Variants in PPIL6 observed in about 807,000 individuals in gnomAD.
PPIL6 encodes the protein peptidylprolyl isomerase like 6, also known as probable inactive peptidyl-prolyl cis-trans isomerase-like 6.
Under a neutral mutation model 36.8 loss-of-function variants are expected in PPIL6, and 39 were observed. That is an observed-to-expected ratio of 1.06 (90% CI 0.82 to 1.38). PPIL6 has a LOEUF of 1.38. Ranked by LOEUF, PPIL6 falls within the 40% of genes most tolerant of loss-of-function variation. The pLI, the probability that PPIL6 is intolerant of heterozygous loss-of-function variation, is 0.00. For synonymous variants in PPIL6, 123 were observed against 134.1 expected, an observed-to-expected ratio of 0.92 and a Z score of 0.57; for missense variants, 368 against 379.1, an observed-to-expected ratio of 0.97 and a Z score of 0.24.
At chr6:109,406,629 T>A (rs939230263) in intron 6 of PPIL6, among the ~76,000 whole-genome samples, 3 of 152,220 alleles carry the variant, frequency 2.0e-5, no homozygotes, top group Non-Finnish European at 4.4e-5. Flanking sequence ...GCAATACTTT[T>A]ATAAAGAGAT....
Position 109,436,133 on chromosome 6 carries a change from A to T in PPIL6, c.202T>A (p.Trp68Arg). 6.3e-7 allele frequency: 1 copy of T among 1,586,324 alleles called. No individual in the cohort carries two copies. Among genetic ancestry groups the T allele is most frequent in the Middle Eastern group, 1.7e-4 (1 of 6,014 alleles). Residue 68 changes from tryptophan to arginine, a missense_variant, in exon 2 of 8, where the codon TGG (tryptophan) becomes AGG (arginine). Physicochemically the swap from Trp to Arg is moderately radical, Grantham distance 101 (BLOSUM62 -3). Coordinates refer to ENST00000521072, the MANE Select transcript of PPIL6 (RefSeq NM_173672.5). The stretch of plus-strand genomic sequence containing the variant: ...TTTTTCTCCTGTAGATATTGATGCC[A>T]TGCAAATTCTTGAAGAGGAACTAAT... ...PILVPLQEFA[W>R]HQYLQEKKRE...
rs1480072018 is a variant in PPIL6, at chr6:109,413,195, T to G, written c.688+5992A>C. Among the ~76,000 whole-genome samples, 4 of 151,654 alleles carry G rather than the reference T, an allele frequency of 2.6e-5. No homozygotes were observed. ...CAAACAAACAAAAACCCACAGAAAA[T>G]ATTTGCAAACTACCCATCTGACGAG... On this transcript the variant is annotated intron_variant, in intron 6 of 7. Transcript: ENST00000521072. This position sits in a 1 kb window ranked among gnomAD's most constrained non-coding sequence, Gnocchi z 4.6.
At chr6:109,428,518 A>G (rs1025057005) in intron 3 of PPIL6, among the ~76,000 whole-genome samples, 2 of 149,404 alleles carry the variant, frequency 1.3e-5, no homozygotes, top group Non-Finnish European at 3.0e-5. Context: ...GTGCCACTGC[A>G]CTACAGCCTG....
At chr6:109,417,413 G>GT (rs1394222963) in intron 6 of PPIL6, among the ~76,000 whole-genome samples, 1 of 150,446 alleles carries the variant, frequency 6.6e-6, no homozygotes, top group Non-Finnish European at 1.5e-5. Flanking sequence ...GAAACTGACT[G>GT]TAAGTTTCTT....
In PPIL6 at chr6:109,427,105, A is replaced by G. The variant is rs141643047; in HGVS notation, c.472T>C (p.Leu158=). The change falls in exon 4 of 8, where the codon TTG becomes CTG. Residue 158 remains leucine, a synonymous_variant. Coordinates refer to ENST00000521072, the MANE Select transcript of PPIL6 (RefSeq NM_173672.5). ...ICIDSSPIGR[L]IFELYCDVCP... ...AAAAAAAGTATCACCTCAAAAATCA[A>G]TCTTCCAATTGGAGAAGAATCAATA... The G allele has an allele frequency of 8.0e-4, 1,288 of 1,611,386 alleles. 8 individuals carry two copies. The African/African-American group carries it at 0.014, about 18-fold the overall frequency.
At chr6:109,441,147 T>G, upstream of PPIL6, 1 of 1,614,168 alleles carries the variant, frequency 6.2e-7, no homozygotes, top group Non-Finnish European at 8.5e-7. Context: ...TCCCTGCGAC[T>G]GCGGATCTTC....
chr6:109,440,115 T>A, intron 1 of PPIL6: 1 of 347,456 alleles, frequency 2.9e-6, no homozygotes, highest in South Asian at 2.1e-5. Context: ...ATATCTCTAA[T>A]TAAAGAAAAA....
intron 6 of PPIL6, among the ~76,000 whole-genome samples, chr6:109,402,378 A>T (rs1393552237): frequency 6.6e-6 from 1 of 152,118 alleles, no homozygotes; most frequent in African/African-American, 2.4e-5. Context: ...TCCACTAAAA[A>T]CACAAAAATT....
At chr6:109,395,090 T>G (rs1344565710) in intron 7 of PPIL6, among the ~76,000 whole-genome samples, 4 of 152,184 alleles carry the variant, frequency 2.6e-5, no homozygotes, top group Non-Finnish European at 4.4e-5. Flanking sequence ...TGGATGCCAC[T>G]AGCTACATAT....
At chr6:109,419,416 A>AT (rs893043271) in intron 5 of PPIL6, among the ~76,000 whole-genome samples, 173 bp from the exon 6 acceptor site, 1 of 150,846 alleles carries the variant, frequency 6.6e-6, no homozygotes, top group African/African-American at 2.5e-5. Flanking sequence ...CTCCATCTCG[A>AT]TTAAAAAAAA....
intron 1 of PPIL6, among the ~76,000 whole-genome samples, chr6:109,437,501 C>G (rs1013524515): frequency 6.7e-6 from 1 of 149,816 alleles, no homozygotes; most frequent in African/African-American, 2.4e-5. Context: ...GTTCCAGTGT[C>G]TGTGCTCAGT....
chr6:109,440,835 AC>A, upstream of PPIL6: 1 of 400,952 alleles, frequency 2.5e-6, no homozygotes, highest in Non-Finnish European at 4.3e-6. Context: ...CGCTCTCCGG[AC>A]CCCCAGGGTC....
At chr6:109,436,271 T>C in intron 1 of PPIL6, 72 bp from the exon 2 acceptor site, 1 of 910,440 alleles carries the variant, frequency 1.1e-6, no homozygotes, top group Non-Finnish European at 1.8e-6. Context: ...TCCCCAATTT[T>C]TACGGGGTTT....
intron 7 of PPIL6, among the ~76,000 whole-genome samples, chr6:109,397,868 T>C (rs1416276609): frequency 6.6e-6 from 1 of 151,168 alleles, no homozygotes; most frequent in Non-Finnish European, 1.5e-5. Flanking sequence ...ATTTAAATGA[T>C]TCAAGAAATG....
rs754766224 is a variant in PPIL6 at position 109,440,565 on chromosome 6, G to A, written c.26C>T (p.Pro9Leu). 5 of 1,444,704 alleles carry A rather than the reference G, an allele frequency of 3.5e-6. No individual in the cohort carries two copies. The highest frequency in any genetic ancestry group is 4.5e-6 in the Non-Finnish European group (5 of 1,102,068). The allele number at this position is 1,444,704 out of a possible 1,614,324, so 89.5% of individuals were successfully genotyped here. The change falls in exon 1 of 8, where the codon CCC becomes CTC. Residue 9 changes from proline to leucine, a missense_variant. Physicochemically the swap from Pro to Leu is moderately conservative, Grantham distance 98. Transcript: ENST00000521072. MARPQPCG[P>L]PHARCGSPSL... ...CGGCGAGCCGCACCTAGCGTGCGGG[G>A]GCCCGCACGGCTGCGGCCTTGCCAT...
intron 5 of PPIL6, among the ~76,000 whole-genome samples, chr6:109,425,749 C>CAAAAAAA (rs34275471): frequency 3.9e-5 from 4 of 103,702 alleles, no homozygotes; most frequent in Non-Finnish European, 4.0e-5. Flanking sequence ...GACTCCGTTT[C>CAAAAAAA]AAAAAAAAAA....
intron 5 of PPIL6, among the ~76,000 whole-genome samples, chr6:109,423,398 G>T (rs1038554364): frequency 2.0e-5 from 3 of 151,590 alleles, no homozygotes; most frequent in African/African-American, 7.3e-5. Flanking sequence ...AGTTCAATAG[G>T]TACTTTTTTT....
Position 109,400,079 on chromosome 6 carries a change from T to C in PPIL6, c.780A>G (p.Thr260=), listed in dbSNP as rs1772467124. 1.2e-6 allele frequency: 2 copies of C among 1,613,690 alleles called. No homozygotes were observed. Among genetic ancestry groups the C allele is most frequent in the Admixed American group, 1.7e-5 (1 of 59,992 alleles). The part of the protein sequence containing the change: ...RHSNGSQFYI[T]LQATPYLDRK... ...TATCTAGATAAGGAGTTGCTTGCAG[T>C]GTGATATAGAATTGTGACCCGTTGC... is the stretch of plus-strand genomic sequence containing the variant. The change falls in exon 7 of 8, where the codon ACA becomes ACG. Residue 260 remains threonine (T), a synonymous_variant. Coordinates refer to ENST00000521072, the MANE Select transcript of PPIL6 (RefSeq NM_173672.5).
At chr6:109,433,054 ACTTT>A (rs1489889741) in intron 2 of PPIL6, among the ~76,000 whole-genome samples, 1 of 149,784 alleles carries the variant, frequency 6.7e-6, no homozygotes, top group Non-Finnish European at 1.5e-5. Context: ...AGGACCCAAA[ACTTT>A]CTTTTTTTTT....
Sources: allele counts gnomAD v4.1 joint callset (sites outside exome capture counted in the v4.1 genomes callset), GRCh38; gene constraint gnomAD v4.1.1; non-coding constraint Gnocchi (gnomAD v3.1); transcripts MANE v1.5; gene names NCBI Gene and HGNC (gene_info 2026-07-23, HGNC 2026-07-21).